Variants in MINK1 observed in about 807,000 individuals in gnomAD.
MINK1 encodes misshapen-like kinase 1.
MINK1 carries 46 observed loss-of-function variants against 178.4 expected under a neutral mutation model. That is an observed-to-expected ratio of 0.26 (90% confidence interval 0.20 to 0.33). The LOEUF (loss-of-function observed/expected upper bound fraction) is 0.33, where lower values mean the gene tolerates loss of function less well. MINK1 is among the 10% of genes least tolerant of loss of function. The probability of loss-of-function intolerance (pLI) is 1.00; values close to 1 mark genes in which losing one functional copy is unlikely to be tolerated. For missense variants in MINK1, 1,366 were observed against 1,814.9 expected (o/e 0.75, Z 4.49); for synonymous variants, 797 against 709.7 (o/e 1.12, Z -1.96).
rs1031023855 is a variant in MINK1 at position 4,879,758 on chromosome 17, G to C, written c.124-1226G>C. 4.6e-5 allele frequency among the ~76,000 whole-genome samples: 7 copies of C among 152,210 alleles called. No homozygotes were observed. In the South Asian group the frequency reaches 1.4e-3, roughly 32 times the overall value. ...AAGAAGAGGAAGTTTCTTCCCACTA[G>C]GGCTGGTGACAGGAGCATTAGCACA... On this transcript the variant is annotated intron_variant, in intron 2 of 31. Coordinates refer to ENST00000355280, the MANE Select transcript of MINK1 (RefSeq NM_153827.5).
At position 4,840,477 on chromosome 17, in the gene MINK1, G is replaced by C. The variant is rs545133141; in HGVS notation, c.57+6837G>C. 7.2e-5 allele frequency among the ~76,000 whole-genome samples: 11 copies of C among 152,036 alleles called. No individual in the cohort carries two copies. In the East Asian group the frequency reaches 1.5e-3, roughly 21 times the overall value. ...CATATAATCCTCATTTTTACTTACT[G>C]GGGGAGGGACTCTGGGTCCTGGGTC... On this transcript the variant is annotated intron_variant, in intron 1 of 31. Coordinates refer to ENST00000355280, the MANE Select transcript of MINK1 (RefSeq NM_153827.5).
rs575231345 is a variant in MINK1, at chr17:4,886,090, A to G, written c.695-30A>G. ...GTCCTGTAGCTCCCAGTGCAGTGAA[A>G]GGGACTGAGGGTGTCTCCTCTGTGT... On this transcript the variant is annotated intron_variant, in intron 8 of 31. Coordinates refer to ENST00000355280, the MANE Select transcript of MINK1 (RefSeq NM_153827.5). This position sits in a 1 kb window ranked among gnomAD's most constrained non-coding sequence, Gnocchi z 6.1. 9.1e-5 allele frequency: 146 copies of G among 1,612,516 alleles called. No individual in the cohort carries two copies. The Middle Eastern group carries it at 4.6e-3, about 51-fold the overall frequency.
chr17:4,863,719 A>T (rs552353231), intron 1 of MINK1, among the ~76,000 whole-genome samples: 1 of 152,162 alleles, frequency 6.6e-6, no homozygotes, highest in Non-Finnish European at 1.5e-5. Flanking sequence ...GTGAGATTAT[A>T]CTTCTAAAGT....
chr17:4,891,795 C>T, intron 16 of MINK1, 79 bp downstream of exon 16: 3 of 1,485,982 alleles, frequency 2.0e-6, no homozygotes, highest in Non-Finnish European at 2.7e-6. Flanking sequence ...GGGCAGGCCA[C>T]ATGGAGGAAG....
At chr17:4,873,793 A>G (rs890252911) in intron 1 of MINK1, among the ~76,000 whole-genome samples, 1 of 151,468 alleles carries the variant, frequency 6.6e-6, no homozygotes, top group African/African-American at 2.4e-5. Flanking sequence ...TGATTTTTGT[A>G]TTTTTTAGTA....
intron 1 of MINK1, 36 bp from the exon 2 acceptor site, chr17:4,878,281 G>A: frequency 6.5e-7 from 1 of 1,526,986 alleles, no homozygotes; most frequent in South Asian, 1.2e-5. Flanking sequence ...CTTTTCTAAA[G>A]TCTTGACACA....
Position 4,891,735 on chromosome 17 carries a change from G to A in MINK1, c.2001+19G>A. On this transcript the variant is annotated intron_variant, in intron 16 of 31. Transcript: ENST00000355280. ...ACCCAAGGTAAGGACAGTTCTGCAG[G>A]CCCAGGGAAAAGCAGAGAGCTAGTC... The A allele has an allele frequency of 1.3e-6, 2 of 1,588,906 alleles. No homozygotes were observed. Among genetic ancestry groups the A allele is most frequent in the Non-Finnish European group, 1.7e-6 (2 of 1,167,298 alleles).
At chr17:4,852,663 A>G (rs972054138) in intron 1 of MINK1, among the ~76,000 whole-genome samples, 1 of 144,836 alleles carries the variant, frequency 6.9e-6, no homozygotes, top group Non-Finnish European at 1.5e-5. Context: ...CAGGTAAACC[A>G]TAGCTGGGAT....
intron 20 of MINK1, 174 bp downstream of exon 20, chr17:4,893,241 CCTAACCTCTCTT>C (rs1555542932): frequency 6.9e-6 from 11 of 1,597,978 alleles, no homozygotes; most frequent in Middle Eastern, 1.7e-4. Context: ...TAACCTCTCT[CCTAACCTCTCTT>C]CTGGCTCTTT....
chr17:4,892,662 C>T lies in MINK1; in HGVS notation c.2205C>T (p.Pro735=), dbSNP rs199889651. ...PPGPPNASSN[P]DLRRSDPGWE... is the part of the protein sequence containing the mutation. The stretch of plus-strand genomic sequence containing the variant: ...GACTCTGCCCCCCCAACAGTAACCC[C>T]GACCTCAGGAGGAGCGACCCTGGCT... The change falls in exon 19 of 32, where the codon CCC becomes CCT. Residue 735 remains proline (P), a synonymous_variant. Coordinates refer to ENST00000355280, the MANE Select transcript of MINK1 (RefSeq NM_153827.5). The T allele has an allele frequency of 1.1e-5, 17 of 1,605,374 alleles. No homozygotes were observed. Among genetic ancestry groups the T allele is most frequent in the African/African-American group, 8.0e-5 (6 of 74,930 alleles).
At chr17:4,875,645 G>T (rs965052603) in intron 1 of MINK1, 6 of 340,958 alleles carry the variant, frequency 1.8e-5, no homozygotes, top group Non-Finnish European at 3.5e-5. Context: ...GGTGGCACAC[G>T]CCTGTAGTCC....
At chr17:4,849,535 C>T (rs116465340) in intron 1 of MINK1, among the ~76,000 whole-genome samples, 15 of 152,254 alleles carry the variant, frequency 9.9e-5, no homozygotes, top group African/African-American at 3.6e-4. Flanking sequence ...CCTGCTCCTC[C>T]CTTGGCTAAC....
At chr17:4,835,393 C>T (rs1909161205) in intron 1 of MINK1, among the ~76,000 whole-genome samples, 1 of 152,216 alleles carries the variant, frequency 6.6e-6, no homozygotes, top group East Asian at 1.9e-4. Context: ...TTTGGGAGGC[C>T]GAGGTGGGGC....
intron 1 of MINK1, among the ~76,000 whole-genome samples, chr17:4,858,294 G>T (rs1265675097): frequency 6.6e-6 from 1 of 151,918 alleles, no homozygotes; most frequent in Admixed American, 6.6e-5. Flanking sequence ...TTTCATCTGG[G>T]AGGGGGGAGG....
At chr17:4,855,296 CT>C (rs1361365364) in intron 1 of MINK1, among the ~76,000 whole-genome samples, 1 of 147,318 alleles carries the variant, frequency 6.8e-6, no homozygotes, top group Non-Finnish European at 1.5e-5. Context: ...ACCATCCTGG[CT>C]AACAAGGTGA....
intron 1 of MINK1, among the ~76,000 whole-genome samples, chr17:4,871,279 C>T (rs180682759): frequency 1.8e-3 from 276 of 150,636 alleles, no homozygotes; most frequent in Non-Finnish European, 3.5e-3. Flanking sequence ...CTGCCTTCCG[C>T]TCCTGGGCTC....
At position 4,881,122 on chromosome 17, in the gene MINK1, A is replaced by G; in HGVS notation, c.181-10A>G. 6.5e-7 allele frequency: 1 copy of G among 1,537,126 alleles called. No individual in the cohort carries two copies. Among genetic ancestry groups the G allele is most frequent in the East Asian group, 2.4e-5 (1 of 40,888 alleles). On this transcript the variant is annotated splice_polypyrimidine_tract_variant and intron_variant, in intron 3 of 31. Coordinates refer to ENST00000355280, the MANE Select transcript of MINK1 (RefSeq NM_153827.5). ...GGAGTCTCAGGGCTCAGCTCCTCCCATCTGCTTAGGACGAGGAGGAAGAGA... is the reference window on the plus strand; with the variant it reads ...GGAGTCTCAGGGCTCAGCTCCTCCCGTCTGCTTAGGACGAGGAGGAAGAGA...
At chr17:4,884,028 CTT>C (rs1057478222) in intron 4 of MINK1, among the ~76,000 whole-genome samples, 293 of 131,890 alleles carry the variant, frequency 2.2e-3, no homozygotes, top group Non-Finnish European at 3.3e-3. Context: ...TCCTTCTCCT[CTT>C]TTTTTTTTTT....
intron 1 of MINK1, among the ~76,000 whole-genome samples, chr17:4,846,027 A>T (rs779448747): frequency 6.6e-6 from 1 of 152,152 alleles, no homozygotes; most frequent in Admixed American, 6.5e-5. Context: ...ACAGTTTCTC[A>T]TTGACCTTCA....
Sources: gnomAD v4.1 joint callset for allele counts (sites outside exome capture counted in the v4.1 genomes callset) on GRCh38, gnomAD v4.1.1 for gene constraint, Gnocchi (gnomAD v3.1) non-coding constraint, MANE v1.5 for transcripts, NCBI Gene and HGNC (gene_info 2026-07-23, HGNC 2026-07-21) for gene names.